Variants in EIF4E3 observed in about 807,000 individuals in gnomAD.
EIF4E3 encodes eukaryotic translation initiation factor 4E family member 3, also known as eukaryotic translation initiation factor 4E type 3.
Under a neutral mutation model 31.7 loss-of-function variants are expected in EIF4E3, and 26 were observed. The ratio of observed to expected loss-of-function variants is 0.82; its 90% CI spans 0.60 to 1.14. EIF4E3 has a LOEUF of 1.14. Among genes scored for constraint, EIF4E3 ranks in the 50% most tolerant of loss-of-function variants. The probability of loss-of-function intolerance (pLI) is 0.00; values close to 1 mark genes in which losing one functional copy is unlikely to be tolerated. For missense variants in EIF4E3, 304 were observed against 270.9 expected, an observed-to-expected ratio of 1.12 and a Z score of -0.86; for synonymous variants, 128 against 107.7, an observed-to-expected ratio of 1.19 and a Z score of -1.17.
chr3:71,691,009 T>TA (rs2049056745), intron 5 of EIF4E3, among the ~76,000 whole-genome samples: 1 of 152,138 alleles, frequency 6.6e-6, no homozygotes, highest in Non-Finnish European at 1.5e-5. Context: ...GATAGTAAGG[T>TA]GTTATACTGT....
intron 1 of EIF4E3, among the ~76,000 whole-genome samples, chr3:71,714,160 C>T (rs1053993133): frequency 6.6e-6 from 1 of 151,192 alleles, no homozygotes; most frequent in African/African-American, 2.4e-5. Context: ...TGCAGTGAGC[C>T]GAGATTGCGC....
rs545059955 is a variant in EIF4E3 at position 71,686,683 on chromosome 3, C to G, written c.629-1955G>C. 3.3e-5 allele frequency among the ~76,000 whole-genome samples: 5 copies of G among 152,130 alleles called. No individual in the cohort carries two copies. The South Asian group carries it at 1.0e-3, about 32-fold the overall frequency. ...AGGGTCAAGTAGAGGTACCATAGAA[C>G]TACAGTGACCTGGTTTCCAAACAAT... On this transcript the variant is annotated intron_variant, in intron 6 of 6. Transcript: ENST00000425534.
intron 2 of EIF4E3, among the ~76,000 whole-genome samples, chr3:71,708,972 C>G (rs1329781075): frequency 6.6e-6 from 1 of 152,160 alleles, no homozygotes; most frequent in East Asian, 1.9e-4. Context: ...AGGACTGTGT[C>G]TTCACACCCA....
At chr3:71,750,745 C>CGGGAGA (rs2049918413) in intron 1 of EIF4E3, among the ~76,000 whole-genome samples, 1 of 150,890 alleles carries the variant, frequency 6.6e-6, no homozygotes, top group African/African-American at 2.4e-5. Flanking sequence ...CATAGGGAGA[C>CGGGAGA]CCCATCTCTA....
In EIF4E3 at chr3:71,725,163, C is replaced by A. The variant is rs1484778571; in HGVS notation, c.176+29G>T. ...GTGGCGGCAGGACCCGGGTCGGGGC[C>A]GTGCGCGGCGGGCCCCGCGCCCCCT... On this transcript the variant is annotated intron_variant, in intron 1 of 6. Transcript: ENST00000425534. The surrounding 1 kb of genome is among the most constrained non-coding windows in gnomAD (Gnocchi z 6.1). The A allele has an allele frequency of 9.4e-7, 1 of 1,068,614 alleles. No individual in the cohort carries two copies. Among genetic ancestry groups the A allele is most frequent in the Admixed American group, 5.6e-5 (1 of 17,806 alleles). The allele number at this position is 1,068,614 out of a possible 1,614,324, so 66.2% of individuals were successfully genotyped here.
At chr3:71,662,283 G>A in the EIF4E3 span, among the ~76,000 whole-genome samples, 1 of 152,212 alleles carries the variant, frequency 6.6e-6, no homozygotes, top group African/African-American at 2.4e-5. Flanking sequence ...ACAGGGCTGT[G>A]GTCTGCCACT....
intron 1 of EIF4E3, among the ~76,000 whole-genome samples, chr3:71,744,159 CA>C (rs1164880799): frequency 6.6e-6 from 1 of 151,568 alleles, no homozygotes; most frequent in Non-Finnish European, 1.5e-5. Context: ...AATAAAAAGA[CA>C]AGCCAGAAAC....
At chr3:71,739,548 T>G (rs1409001722) in intron 1 of EIF4E3, among the ~76,000 whole-genome samples, 1 of 151,904 alleles carries the variant, frequency 6.6e-6, no homozygotes, top group African/African-American at 2.4e-5. Flanking sequence ...AATTAAAAAA[T>G]TAACCAGGTG....
At chr3:71,706,249 G>C (rs1322484887) in intron 2 of EIF4E3, among the ~76,000 whole-genome samples, 1 of 152,102 alleles carries the variant, frequency 6.6e-6, no homozygotes, top group South Asian at 2.1e-4. Flanking sequence ...TAGTCCTAGA[G>C]GCAAGGCATG....
At chr3:71,691,587 G>T (rs932738446) in intron 5 of EIF4E3, among the ~76,000 whole-genome samples, 1 of 152,168 alleles carries the variant, frequency 6.6e-6, no homozygotes, top group Non-Finnish European at 1.5e-5. Context: ...GGGGGATCCT[G>T]GCGGGCTGGT....
rs548171916 is a variant in EIF4E3 at position 71,680,901 on chromosome 3, C to T, written c.*3781G>A. 10 of 152,122 alleles carry T rather than the reference C, an allele frequency of 6.6e-5. No individual in the cohort carries two copies. Among genetic ancestry groups the T allele is most frequent in the Non-Finnish European group, 1.0e-4 (7 of 68,036 alleles). 9.4% of individuals were successfully genotyped at this position (152,122 alleles called of 1,614,324 possible). A position where few individuals can be genotyped will look rare whatever the true frequency, so the allele number is the denominator to read the frequency against. ...TTCACTTGTAATGAGTAAAATCTCA[C>T]AGAAACATACAATGTAGGAAAGGTG... On this transcript the variant is annotated 3_prime_UTR_variant, in exon 7 of 7. Coordinates refer to ENST00000425534, the MANE Select transcript of EIF4E3 (RefSeq NM_001134651.2).
At chr3:71,692,181 C>A (rs1000808242) in intron 5 of EIF4E3, among the ~76,000 whole-genome samples, 1 of 152,156 alleles carries the variant, frequency 6.6e-6, no homozygotes, top group African/African-American at 2.4e-5. Flanking sequence ...AATCAACCAG[C>A]AAAACCTTGA....
rs1441593098 is a variant in EIF4E3 at position 71,688,690 on chromosome 3, G to A, written c.628+1320C>T. Among the ~76,000 whole-genome samples, 4 of 152,096 alleles carry A rather than the reference G, an allele frequency of 2.6e-5. No individual in the cohort carries two copies. The East Asian group carries it at 7.7e-4, about 29-fold the overall frequency. ...GCTAGTCTTGTGAAATAAAAAAAAAGAAAAAACCCTTGATGACCTTTCAAT... is the reference window on the plus strand; with the variant it reads ...GCTAGTCTTGTGAAATAAAAAAAAAAAAAAAACCCTTGATGACCTTTCAAT... On this transcript the variant is annotated intron_variant, in intron 6 of 6. Coordinates refer to ENST00000425534, the MANE Select transcript of EIF4E3 (RefSeq NM_001134651.2).
chr3:71,753,315 C>G (rs947452851), intron 1 of EIF4E3: 1 of 152,292 alleles, frequency 6.6e-6, no homozygotes, highest in Non-Finnish European at 1.5e-5. Flanking sequence ...CTATTACTAT[C>G]GTAAATTACT....
intron 5 of EIF4E3, 69 bp from the exon 6 acceptor site, chr3:71,690,234 TTA>T (rs2049047128): frequency 1.4e-6 from 2 of 1,447,054 alleles, no homozygotes; most frequent in East Asian, 4.9e-5. Context: ...TTCTAAGAAC[TTA>T]GTCTTTTTAT....
chr3:71,664,405 G>A, the EIF4E3 span, among the ~76,000 whole-genome samples: 1 of 151,796 alleles, frequency 6.6e-6, no homozygotes, highest in Non-Finnish European at 1.5e-5. Flanking sequence ...TTTGGTGGGG[G>A]GTGGGGGGAG....
intron 1 of EIF4E3, among the ~76,000 whole-genome samples, chr3:71,737,989 G>T (rs952934168): frequency 1.3e-5 from 2 of 152,062 alleles, no homozygotes; most frequent in Non-Finnish European, 2.9e-5. Context: ...TTCCTCCCAC[G>T]AAGTATAGTG....
chr3:71,754,151 G>A (rs761912546), upstream of EIF4E3: 32 of 1,460,186 alleles, frequency 2.2e-5, no homozygotes, highest in Non-Finnish European at 2.8e-5. This position sits in a 1 kb window ranked among gnomAD's most constrained non-coding sequence, Gnocchi z 5.8. Context: ...TGAGCCTAGC[G>A]GGCAACGTGC....
the EIF4E3 span, among the ~76,000 whole-genome samples, chr3:71,667,197 T>A: frequency 1.3e-5 from 2 of 152,274 alleles, no homozygotes; most frequent in South Asian, 2.1e-4. Flanking sequence ...TCGATAAAAT[T>A]CAACCCCTTC....
Sources: gnomAD v4.1 joint callset for allele counts (sites outside exome capture counted in the v4.1 genomes callset) on GRCh38, gnomAD v4.1.1 for gene constraint, Gnocchi (gnomAD v3.1) non-coding constraint, MANE v1.5 for transcripts, NCBI Gene and HGNC (gene_info 2026-07-23, HGNC 2026-07-21) for gene names.